TAB2: variants seen among roughly 807,000 people sequenced by gnomAD.
TAB2 encodes the protein TGF-beta activated kinase 1 (MAP3K7) binding protein 2, also known as TGF-beta-activated kinase 1 and MAP3K7-binding protein 2.
Under a neutral mutation model 65.0 loss-of-function variants are expected in TAB2, and 3 were observed. That is an observed-to-expected ratio of 0.05 (90% CI 0.02 to 0.12). The LOEUF is 0.12. TAB2 is among the 10% of genes least tolerant of loss of function. The pLI is 1.00. For missense variants in TAB2, 623 were observed against 840.3 expected (o/e 0.74, Z 3.20); for synonymous variants, 298 against 285.1 (o/e 1.05, Z -0.46).
At chr6:149,307,503 T>C (rs1356455501) in intron 1 of TAB2, among the ~76,000 whole-genome samples, 1 of 152,200 alleles carries the variant, frequency 6.6e-6, no homozygotes, top group African/African-American at 2.4e-5. Context: ...TTTTTTTGTC[T>C]GCTGCCCTCT....
chr6:149,272,245 T>C (rs1014224314), intron 1 of TAB2, among the ~76,000 whole-genome samples: 1 of 152,178 alleles, frequency 6.6e-6, no homozygotes, highest in African/African-American at 2.4e-5. Context: ...ACAATTCCAG[T>C]CTAGGTTGGG....
In TAB2 at chr6:149,357,430, A is replaced by AAAAACACACACACACACAC; in HGVS notation, c.-89-12478_-89-12477insAAACACACACACACACACA. Among the ~76,000 whole-genome samples, 160 of 111,178 alleles carry AAAAACACACACACACACAC rather than the reference A, an allele frequency of 1.4e-3. 1 individual carries two copies. Among genetic ancestry groups the AAAAACACACACACACACAC allele is most frequent in the East Asian group, 2.8e-3 (9 of 3,200 alleles). 72.9% of individuals were successfully genotyped at this position (111,178 alleles called of 152,430 possible). A position where few individuals can be genotyped will look rare whatever the true frequency, so the allele number is the denominator to read the frequency against. ...GACTCCGTCTCAAGGAGAAAAAAAA[A>AAAAACACACACACACACAC]ACACACACACACACACACACACACA... On this transcript the variant is annotated intron_variant, in intron 1 of 6. Coordinates refer to ENST00000637181, the MANE Select transcript of TAB2 (RefSeq NM_001292034.3).
Position 149,358,482 on chromosome 6 carries a change from G to C in TAB2, c.-89-11427G>C, listed in dbSNP as rs138902487. Among the ~76,000 whole-genome samples the C allele has an allele frequency of 7.4e-3, 1,126 of 152,172 alleles. 14 individuals carry two copies. The highest frequency in any genetic ancestry group is 0.026 in the African/African-American group (1,087 of 41,500). On this transcript the variant is annotated intron_variant, in intron 1 of 6. Coordinates refer to ENST00000637181, the MANE Select transcript of TAB2 (RefSeq NM_001292034.3). ...ATTATTCTGTCTTCCGGCATCTACT[G>C]CGACTAATTAGAAGTTCATCAATCT... is the stretch of plus-strand genomic sequence containing the variant.
chr6:149,394,594 A>G (rs1298435068), intron 3 of TAB2, among the ~76,000 whole-genome samples: 7 of 152,156 alleles, frequency 4.6e-5, no homozygotes, highest in Non-Finnish European at 8.8e-5. Flanking sequence ...CTTTCAGGTT[A>G]TTATTATGAG....
At chr6:149,226,322 C>T (rs954889409) in intron 1 of TAB2, among the ~76,000 whole-genome samples, 3 of 152,114 alleles carry the variant, frequency 2.0e-5, no homozygotes, top group African/African-American at 7.2e-5. Context: ...CGAGGACCCG[C>T]GTGCTTCCGC....
intron 1 of TAB2, among the ~76,000 whole-genome samples, chr6:149,271,188 A>G (rs1411026069): frequency 6.6e-6 from 1 of 152,076 alleles, no homozygotes; most frequent in Non-Finnish European, 1.5e-5. Flanking sequence ...AGCCTGAGTG[A>G]CAGAGTGAGA....
chr6:149,308,053 A>G (rs1779100048), intron 1 of TAB2, among the ~76,000 whole-genome samples: 1 of 152,210 alleles, frequency 6.6e-6, no homozygotes, highest in African/African-American at 2.4e-5. Flanking sequence ...ATAGATCTAC[A>G]TTCTTTTTAA....
At chr6:149,275,300 G>A (rs6900884) in intron 1 of TAB2, among the ~76,000 whole-genome samples, 11,109 of 127,584 alleles carry the variant, frequency 0.087, 1,043 homozygotes, top group Admixed American at 0.13. Flanking sequence ...AAGAAAGAAA[G>A]AGAAAAAAGA....
At chr6:149,404,671 C>CA (rs1782603325) in intron 6 of TAB2, among the ~76,000 whole-genome samples, 1 of 152,096 alleles carries the variant, frequency 6.6e-6, no homozygotes. Context: ...GCCAAGAACA[C>CA]AATGGGGAAA....
At chr6:149,275,248 GAAAGA>G (rs1388668649) in intron 1 of TAB2, among the ~76,000 whole-genome samples, 2 of 120,272 alleles carry the variant, frequency 1.7e-5, no homozygotes, top group African/African-American at 7.4e-5. Context: ...AAGAAAGAAA[GAAAGA>G]AAGAAAGAAA....
rs974809510 is a variant in TAB2, at chr6:149,339,535, G to A, written c.-90+21520G>A. On this transcript the variant is annotated intron_variant, in intron 1 of 6. Coordinates refer to ENST00000637181, the MANE Select transcript of TAB2 (RefSeq NM_001292034.3). ...ATATAAGTAAACTCTCTTAGAAATA[G>A]GGATAAGTGTTTTTTAACAGGAAAG... Among the ~76,000 whole-genome samples, 22 of 151,868 alleles carry A rather than the reference G, an allele frequency of 1.4e-4. 1 individual carries two copies. In the South Asian group the frequency reaches 4.6e-3, roughly 32 times the overall value.
At chr6:149,297,212 G>C (rs545096966) in intron 1 of TAB2, among the ~76,000 whole-genome samples, 9 of 152,024 alleles carry the variant, frequency 5.9e-5, no homozygotes, top group African/African-American at 2.2e-4. Flanking sequence ...TAAAAACAAG[G>C]CCGTTCTTCT....
chr6:149,255,632 T>TTGATAAATC (rs555020642), intron 1 of TAB2, among the ~76,000 whole-genome samples: 29 of 152,354 alleles, frequency 1.9e-4, no homozygotes, highest in African/African-American at 6.3e-4. Context: ...GCTAGTGTCT[T>TTGATAAATC]TGATAAATCT....
intron 1 of TAB2, among the ~76,000 whole-genome samples, chr6:149,236,971 G>A (rs1049787087): frequency 6.6e-6 from 1 of 152,186 alleles, no homozygotes; most frequent in Non-Finnish European, 1.5e-5. Flanking sequence ...CCACAGCAGA[G>A]CCAAATCATT....
At chr6:149,329,674 C>T (rs781603210) in intron 1 of TAB2, among the ~76,000 whole-genome samples, 2 of 41,290 alleles carry the variant, frequency 4.8e-5, no homozygotes, top group Admixed American at 2.7e-4. Flanking sequence ...CTGGGGGGGG[C>T]GGGGTTGGGG....
intron 1 of TAB2, among the ~76,000 whole-genome samples, chr6:149,229,662 G>T (rs1000733336): frequency 2.0e-5 from 3 of 152,086 alleles, no homozygotes; most frequent in African/African-American, 7.2e-5. Flanking sequence ...GCAGGGCCGG[G>T]ATCTGGGGAC....
chr6:149,297,199 T>C (rs1457591174), intron 1 of TAB2, among the ~76,000 whole-genome samples: 1 of 152,098 alleles, frequency 6.6e-6, no homozygotes, highest in African/African-American at 2.4e-5. Flanking sequence ...ATCACATATC[T>C]TCTAAAAACA....
chr6:149,313,854 G>A (rs1779205554), upstream of TAB2, among the ~76,000 whole-genome samples: 1 of 152,176 alleles, frequency 6.6e-6, no homozygotes, highest in African/African-American at 2.4e-5. Context: ...AGGAGGTGTG[G>A]GGAGCAGTTC....
chr6:149,237,071 G>C (rs753922272), intron 1 of TAB2, among the ~76,000 whole-genome samples: 7 of 152,130 alleles, frequency 4.6e-5, no homozygotes, highest in African/African-American at 9.7e-5. Flanking sequence ...GATCGTGTTA[G>C]GCACTGTGAA....
Sources: allele counts gnomAD v4.1 joint callset (sites outside exome capture counted in the v4.1 genomes callset), GRCh38; gene constraint gnomAD v4.1.1; transcripts MANE v1.5; gene names NCBI Gene and HGNC (gene_info 2026-07-23, HGNC 2026-07-21).